Variants in AGAP1 observed in about 807,000 individuals in gnomAD.
AGAP1 encodes the protein ArfGAP with GTPase domain, ankyrin repeat and PH domain 1.
AGAP1 carries 29 observed loss-of-function variants against 105.3 expected under a neutral mutation model. The observed-to-expected ratio is 0.28, with a 90% confidence interval of 0.21 to 0.38. The LOEUF is 0.38. Among genes scored for constraint, AGAP1 ranks in the 10% least tolerant of loss-of-function variants. The pLI is 1.00. For synonymous variants in AGAP1, 509 were observed against 485.9 expected (o/e 1.05, Z -0.63); for missense variants, 998 against 1,165.1 (o/e 0.86, Z 2.09).
chr2:235,643,060 T>A (rs368206101), intron 1 of AGAP1, among the ~76,000 whole-genome samples: 120 of 152,294 alleles, frequency 7.9e-4, no homozygotes, highest in African/African-American at 2.2e-3. Flanking sequence ...GACCAGCTCC[T>A]TCCCCCTTTT....
intron 1 of AGAP1, among the ~76,000 whole-genome samples, chr2:235,619,092 C>G (rs553834414): frequency 6.6e-6 from 1 of 152,294 alleles, no homozygotes; most frequent in South Asian, 2.1e-4. Context: ...ACCCCAGAAC[C>G]TCCAGGATCA....
chr2:235,677,686 C>G (rs1948816405), intron 1 of AGAP1, among the ~76,000 whole-genome samples: 2 of 151,758 alleles, frequency 1.3e-5, no homozygotes, highest in East Asian at 1.9e-4. Flanking sequence ...GCCCTTTGCT[C>G]TCTGTGCCTG....
chr2:235,968,391 G>T, intron 12 of AGAP1, 71 bp from the exon 13 acceptor site: 1 of 1,525,056 alleles, frequency 6.6e-7, no homozygotes, highest in Non-Finnish European at 8.8e-7. Flanking sequence ...TGCTGTTTCT[G>T]CGCATTCTGC....
At position 235,715,050 on chromosome 2, in the gene AGAP1, G is replaced by GC. The variant is rs555234948; in HGVS notation, c.223-2501dup. On this transcript the variant is annotated intron_variant, in intron 2 of 17. Coordinates refer to ENST00000304032, the MANE Select transcript of AGAP1 (RefSeq NM_001037131.3). The stretch of plus-strand genomic sequence containing the variant: ...CTGACTTCATGATCTGCCCGCTTCG[G>GC]CCCCCCAAAGTGCCGGGATTACAGG... Among the ~76,000 whole-genome samples, 453 of 152,220 alleles carry GC rather than the reference G, an allele frequency of 3.0e-3. 2 individuals are homozygous for GC. In the Middle Eastern group the frequency reaches 0.034, roughly 11 times the overall value.
At chr2:235,628,262 G>A (rs1309173053) in intron 1 of AGAP1, among the ~76,000 whole-genome samples, 2 of 152,194 alleles carry the variant, frequency 1.3e-5, no homozygotes, top group Non-Finnish European at 2.9e-5. Flanking sequence ...GCAACTCAGC[G>A]AGAGTCCCTC....
At chr2:235,595,062 G>T (rs191120605) in intron 1 of AGAP1, among the ~76,000 whole-genome samples, 9 of 152,110 alleles carry the variant, frequency 5.9e-5, no homozygotes, top group Non-Finnish European at 1.2e-4. Context: ...CGGGTGTGGC[G>T]CCAGAGGGGC....
chr2:235,555,939 A>G lies in AGAP1; in HGVS notation c.163+61090A>G, dbSNP rs141235247. Among the ~76,000 whole-genome samples the G allele has an allele frequency of 5.0e-3, 758 of 152,322 alleles. 2 individuals carry two copies. The highest frequency in any genetic ancestry group is 8.7e-3 in the Non-Finnish European group (591 of 68,036). ...GGCACCTGCTCTGGGCCATGTACAC[A>G]ATGAGGCAAAGCAATACTTAGACCT... On this transcript the variant is annotated intron_variant, in intron 1 of 17. Coordinates refer to ENST00000304032, the MANE Select transcript of AGAP1 (RefSeq NM_001037131.3). This position sits in a 1 kb window ranked among gnomAD's most constrained non-coding sequence, Gnocchi z 5.1.
In AGAP1 at chr2:235,906,475, G is replaced by A. The variant is rs1474870727; in HGVS notation, c.1156-2263G>A. 8.5e-5 allele frequency among the ~76,000 whole-genome samples: 13 copies of A among 152,168 alleles called. No individual in the cohort carries two copies. The highest frequency in any genetic ancestry group is 8.5e-4 in the Admixed American group (13 of 15,286). On this transcript the variant is annotated intron_variant, in intron 10 of 17. Transcript: ENST00000304032. This position sits in a 1 kb window ranked among gnomAD's most constrained non-coding sequence, Gnocchi z 5.3. ...TTGTCCCTCTGGGGCTGATGTAGGG[G>A]AGCCTGCTGGGGTTCTGTATTTATC...
chr2:235,941,226 G>T (rs2053242925), intron 12 of AGAP1, among the ~76,000 whole-genome samples: 1 of 152,148 alleles, frequency 6.6e-6, no homozygotes, highest in African/African-American at 2.4e-5. Flanking sequence ...GTTGAAACTG[G>T]TTTTCCTCCC....
chr2:235,648,851 C>T (rs1020948708), intron 1 of AGAP1, among the ~76,000 whole-genome samples: 4 of 151,454 alleles, frequency 2.6e-5, no homozygotes, highest in Admixed American at 2.0e-4. Flanking sequence ...CGCACCACTG[C>T]ACTCCAGTCT....
Position 235,976,614 on chromosome 2 carries a change from C to T in AGAP1, c.1645+7991C>T, listed in dbSNP as rs1188701144. Reference sequence around the variant, plus strand: ...AGGTCCAAAAATGTTCATTGAGCACCTACTGCACGCAAGAGTTTTGTCTGA... The same window carrying T: ...AGGTCCAAAAATGTTCATTGAGCACTTACTGCACGCAAGAGTTTTGTCTGA... On this transcript the variant is annotated intron_variant, in intron 13 of 17. Coordinates refer to ENST00000304032, the MANE Select transcript of AGAP1 (RefSeq NM_001037131.3). This position sits in a 1 kb window ranked among gnomAD's most constrained non-coding sequence, Gnocchi z 4.5. 3.3e-5 allele frequency among the ~76,000 whole-genome samples: 5 copies of T among 152,176 alleles called. No homozygotes were observed.
Position 236,089,924 on chromosome 2 carries a change from C to T in AGAP1, c.2115-30268C>T, listed in dbSNP as rs902923170. Among the ~76,000 whole-genome samples the T allele has an allele frequency of 2.0e-5, 3 of 151,756 alleles. No homozygotes were observed. The highest frequency in any genetic ancestry group is 2.9e-5 in the Non-Finnish European group (2 of 67,968). On this transcript the variant is annotated intron_variant, in intron 16 of 17. Coordinates refer to ENST00000304032, the MANE Select transcript of AGAP1 (RefSeq NM_001037131.3). The surrounding 1 kb of genome is among the most constrained non-coding windows in gnomAD (Gnocchi z 5.6). ...ATTTTCAGGAGTTAGTCACTCAAGT[C>T]GTACTTATAACTAGGTTGGAAAAAA...
intron 11 of AGAP1, among the ~76,000 whole-genome samples, chr2:235,918,905 A>T (rs1416049690): frequency 6.6e-6 from 1 of 152,180 alleles, no homozygotes; most frequent in Non-Finnish European, 1.5e-5. Context: ...AGAACCAACT[A>T]AAGCAACTTG....
intron 1 of AGAP1, among the ~76,000 whole-genome samples, chr2:235,598,378 A>G (rs1945612621): frequency 6.6e-6 from 1 of 152,150 alleles, no homozygotes; most frequent in African/African-American, 2.4e-5. Flanking sequence ...AGTGTTTAAT[A>G]TTAGAAGGGC....
chr2:236,122,735 T>A (rs2059930242), intron 17 of AGAP1, among the ~76,000 whole-genome samples: 1 of 143,312 alleles, frequency 7.0e-6, no homozygotes, highest in Non-Finnish European at 1.5e-5. Flanking sequence ...CGGGCTGGAG[T>A]GCAGTGGCAC....
rs1280686751 is a variant in AGAP1 at position 235,982,484 on chromosome 2, G to C, written c.1645+13861G>C. Among the ~76,000 whole-genome samples the C allele has an allele frequency of 6.6e-6, 1 of 152,174 alleles. No homozygotes were observed. The highest frequency in any genetic ancestry group is 2.4e-5 in the African/African-American group (1 of 41,434). On this transcript the variant is annotated intron_variant, in intron 13 of 17. Transcript: ENST00000304032. This position sits in a 1 kb window ranked among gnomAD's most constrained non-coding sequence, Gnocchi z 4.9. ...TGCAATGAGGCACTGCTGTTGTGGG[G>C]TGTTGGTTTGAAGAACTCATAAATG...
At position 235,930,924 on chromosome 2, in the gene AGAP1, G is replaced by A; in HGVS notation, c.1483+1G>A. 1 of 1,613,364 alleles carries A rather than the reference G, an allele frequency of 6.2e-7. No individual in the cohort carries two copies. Among genetic ancestry groups the A allele is most frequent in the Non-Finnish European group, 8.5e-7 (1 of 1,179,660 alleles). The stretch of plus-strand genomic sequence containing the variant: ...ATTGCAAACTCGGCCATCAGCAGTG[G>A]TAAGAGGGGGCTCAGCCCCACGGAC... On this transcript the variant is annotated splice_donor_variant, in intron 12 of 17. Coordinates refer to ENST00000304032, the MANE Select transcript of AGAP1 (RefSeq NM_001037131.3). LOFTEE classifies it high-confidence loss of function. The surrounding 1 kb of genome is among the most constrained non-coding windows in gnomAD (Gnocchi z 7.9).
intron 1 of AGAP1, among the ~76,000 whole-genome samples, chr2:235,593,087 G>A (rs1459981720): frequency 6.6e-6 from 1 of 152,180 alleles, no homozygotes; most frequent in Non-Finnish European, 1.5e-5. Flanking sequence ...GTGAGGGAGA[G>A]GGGAGAGGGA....
rs1426095066 is a variant in AGAP1 at position 235,611,593 on chromosome 2, T to G, written c.164-97586T>G. On this transcript the variant is annotated intron_variant, in intron 1 of 17. Transcript: ENST00000304032. The surrounding 1 kb of genome is among the most constrained non-coding windows in gnomAD (Gnocchi z 5.0). The stretch of plus-strand genomic sequence containing the variant: ...TTACAGACGCTGTGTAATTAGAGAA[T>G]CCCTCTCCACATGTGTTCTCTGAAC... Among the ~76,000 whole-genome samples, 1 of 152,072 alleles carries G rather than the reference T, an allele frequency of 6.6e-6. No individual in the cohort carries two copies. The highest frequency in any genetic ancestry group is 2.4e-5 in the African/African-American group (1 of 41,402).
Sources: gnomAD v4.1 joint callset for allele counts (sites outside exome capture counted in the v4.1 genomes callset) on GRCh38, gnomAD v4.1.1 for gene constraint, Gnocchi (gnomAD v3.1) non-coding constraint, MANE v1.5 for transcripts, NCBI Gene and HGNC (gene_info 2026-07-23, HGNC 2026-07-21) for gene names.